Variants in RAD51B observed in about 807,000 individuals in gnomAD.
RAD51B encodes RAD51 paralog B, also known as DNA repair protein RAD51 homolog 2.
In RAD51B, 38 loss-of-function variants were observed where a neutral mutation model predicts 42.2. The ratio of observed to expected loss-of-function variants is 0.90; its 90% CI spans 0.70 to 1.18. The LOEUF is 1.18. Ranked by LOEUF, RAD51B falls within the 50% of genes most tolerant of loss-of-function variation. The probability of loss-of-function intolerance (pLI) is 0.00; values close to 1 mark genes in which losing one functional copy is unlikely to be tolerated. For synonymous variants in RAD51B, 154 were observed against 145.2 expected, an observed-to-expected ratio of 1.06 and a Z score of -0.43; for missense variants, 373 against 400.7, an observed-to-expected ratio of 0.93 and a Z score of 0.59.
At chr14:67,843,735 C>CT (rs60589567) in intron 4 of RAD51B, among the ~76,000 whole-genome samples, 148,113 of 149,252 alleles carry the variant, frequency 0.99, 73,504 homozygotes, top group Middle Eastern at 1. Context: ...TTATTTGGAT[C>CT]TTTTTTTTTC....
At chr14:68,379,039 T>C (rs943397902) in intron 8 of RAD51B, among the ~76,000 whole-genome samples, 2 of 152,214 alleles carry the variant, frequency 1.3e-5, no homozygotes, top group African/African-American at 4.8e-5. Flanking sequence ...GTACCTGTTA[T>C]TTGCCATATG....
chr14:68,306,012 G>A (rs761458362), intron 8 of RAD51B, among the ~76,000 whole-genome samples: 1 of 152,174 alleles, frequency 6.6e-6, no homozygotes, highest in Non-Finnish European at 1.5e-5. Flanking sequence ...GGCCGTGTTG[G>A]GGAACTGGCT....
At chr14:68,413,802 GT>G (rs2084479931) in intron 9 of RAD51B, among the ~76,000 whole-genome samples, 1 of 152,174 alleles carries the variant, frequency 6.6e-6, no homozygotes, top group South Asian at 2.1e-4. Flanking sequence ...AACCTTTAAG[GT>G]AATTGCACCA....
At chr14:68,563,666 G>C in intron 10 of RAD51B, 1 of 985,462 alleles carries the variant, frequency 1.0e-6, no homozygotes, top group Non-Finnish European at 1.2e-6. Flanking sequence ...TTCGGGGGAA[G>C]GGCAGAAACC....
intron 8 of RAD51B, among the ~76,000 whole-genome samples, chr14:68,410,040 G>C (rs1333323406): frequency 6.6e-6 from 1 of 152,122 alleles, no homozygotes; most frequent in Non-Finnish European, 1.5e-5. Context: ...GGTGTTATCT[G>C]ACCCAGGGGT....
chr14:68,337,896 T>G (rs145963159), intron 8 of RAD51B, among the ~76,000 whole-genome samples: 1,919 of 152,208 alleles, frequency 0.013, 50 homozygotes, highest in African/African-American at 0.044. Context: ...CTCAGCCTCC[T>G]TAGTAGCTGG....
chr14:68,157,727 A>G (rs1003732465), intron 7 of RAD51B, among the ~76,000 whole-genome samples: 10 of 152,226 alleles, frequency 6.6e-5, no homozygotes, highest in African/African-American at 2.4e-4. Context: ...TGGCAATAAC[A>G]AACTATTATT....
At chr14:68,456,864 G>A (rs2140201913) in intron 9 of RAD51B, among the ~76,000 whole-genome samples, 1 of 112,746 alleles carries the variant, frequency 8.9e-6, no homozygotes, top group Admixed American at 1.2e-4. Flanking sequence ...AATCACAATG[G>A]AATGATTTTT....
intron 7 of RAD51B, among the ~76,000 whole-genome samples, chr14:67,972,550 T>C (rs1430288057): frequency 1.3e-5 from 2 of 152,136 alleles, no homozygotes; most frequent in East Asian, 3.8e-4. Context: ...ATACATTATC[T>C]ACACAGAGAA....
intron 4 of RAD51B, among the ~76,000 whole-genome samples, chr14:67,838,883 C>G (rs139633837): frequency 1.7e-3 from 260 of 150,290 alleles, no homozygotes; most frequent in African/African-American, 6.1e-3. Context: ...CATTTCCTAG[C>G]TAAAATACTA....
chr14:68,612,406 C>T (rs919850572), downstream of RAD51B, among the ~76,000 whole-genome samples: 1 of 152,236 alleles, frequency 6.6e-6, no homozygotes, highest in Non-Finnish European at 1.5e-5. Flanking sequence ...ACTCCAGAAT[C>T]TGCTATCCTT....
At chr14:68,589,960 A>G (rs969947243) in intron 10 of RAD51B, among the ~76,000 whole-genome samples, 16 of 152,142 alleles carry the variant, frequency 1.1e-4, no homozygotes, top group Non-Finnish European at 2.1e-4. Flanking sequence ...ATATGCATTC[A>G]GATCTGTACC....
intron 8 of RAD51B, among the ~76,000 whole-genome samples, chr14:68,388,285 G>A (rs902242282): frequency 6.6e-6 from 1 of 151,520 alleles, no homozygotes; most frequent in African/African-American, 2.4e-5. Context: ...CTACAGACGG[G>A]GTTTCTTTTG....
intron 8 of RAD51B, among the ~76,000 whole-genome samples, chr14:68,328,187 G>T (rs1173633889): frequency 6.6e-6 from 1 of 152,106 alleles, no homozygotes; most frequent in Non-Finnish European, 1.5e-5. Context: ...ACAAAGAAAT[G>T]CTCATTACAG....
At chr14:68,365,169 C>T (rs2083116023) in intron 8 of RAD51B, among the ~76,000 whole-genome samples, 1 of 152,174 alleles carries the variant, frequency 6.6e-6, no homozygotes, top group South Asian at 2.1e-4. Flanking sequence ...TATGGGCCAC[C>T]TCGGAATAGA....
chr14:68,236,323 G>A (rs1437579996), intron 7 of RAD51B: 1 of 152,212 alleles, frequency 6.6e-6, no homozygotes, highest in Non-Finnish European at 1.5e-5. Context: ...ATCAGCATAG[G>A]AGTTTGATGT....
At chr14:68,605,325 G>T (rs1839752537) in intron 10 of RAD51B, among the ~76,000 whole-genome samples, 1 of 152,212 alleles carries the variant, frequency 6.6e-6, no homozygotes, top group African/African-American at 2.4e-5. Flanking sequence ...AATTCTCTCA[G>T]CAAGGCCATT....
chr14:68,600,564 A>T (rs6573845), downstream of RAD51B, among the ~76,000 whole-genome samples: 119,582 of 152,076 alleles, frequency 0.79, 47,295 homozygotes, highest in African/African-American at 0.82. Context: ...TCCCTACATC[A>T]GCACCCGCTG....
Position 68,641,119 on chromosome 14 carries a change from A to C in RAD51B, c.1037-9662A>C, listed in dbSNP as rs575234263. Among the ~76,000 whole-genome samples, 28 of 152,344 alleles carry C rather than the reference A, an allele frequency of 1.8e-4. No homozygotes were observed. In the South Asian group the frequency reaches 5.6e-3, roughly 30 times the overall value. ...ATTTGGGTAATTATTTAAGGAAAGAATAGAGGAAAGGAGGCCCAAGACACA... is the reference window on the plus strand; with the variant it reads ...ATTTGGGTAATTATTTAAGGAAAGACTAGAGGAAAGGAGGCCCAAGACACA... On this transcript the variant is annotated intron_variant, in intron 10 of 11. Transcript: ENST00000488612.
Sources: allele counts gnomAD v4.1 joint callset (sites outside exome capture counted in the v4.1 genomes callset), GRCh38; gene constraint gnomAD v4.1.1; transcripts MANE v1.5; gene names NCBI Gene and HGNC (gene_info 2026-07-23, HGNC 2026-07-21).